RPA1: variants seen among roughly 807,000 people sequenced by gnomAD.
The protein encoded by RPA1 is replication protein A1.
In RPA1, 49 loss-of-function variants were observed where a neutral mutation model predicts 83.0. The ratio of observed to expected loss-of-function variants is 0.59; its 90% confidence interval spans 0.47 to 0.75. RPA1 has a LOEUF of 0.75. Ranked by LOEUF, RPA1 falls within the 30% of genes least tolerant of loss-of-function variation. RPA1 has a pLI of 0.00. For missense variants in RPA1, 693 were observed against 776.1 expected, an observed-to-expected ratio of 0.89 and a Z score of 1.27; for synonymous variants, 279 against 281.8, an observed-to-expected ratio of 0.99 and a Z score of 0.10.
At chr17:1,868,088 G>C (rs940255716) in intron 5 of RPA1, among the ~76,000 whole-genome samples, 1 of 151,654 alleles carries the variant, frequency 6.6e-6, no homozygotes. Context: ...TGTCTCAAGG[G>C]GGAAAAAAAA....
At chr17:1,831,070 G>T (rs542087610) in intron 1 of RPA1, among the ~76,000 whole-genome samples, 2 of 152,092 alleles carry the variant, frequency 1.3e-5, no homozygotes, top group South Asian at 4.2e-4. Context: ...CTGGCCCCAA[G>T]GCAATTCCAT....
chr17:1,842,726 A>G (rs1912100367), intron 1 of RPA1, 77 bp from the exon 2 acceptor site: 5 of 1,310,674 alleles, frequency 3.8e-6, no homozygotes, highest in Non-Finnish European at 5.5e-6. Flanking sequence ...TATATTCCAA[A>G]TACCAACTAT....
rs1336017816 is a variant in RPA1, at chr17:1,850,228, C to G, written c.273-2873C>G. 4.4e-4 allele frequency among the ~76,000 whole-genome samples: 66 copies of G among 151,084 alleles called. 1 individual carries two copies. The highest frequency in any genetic ancestry group is 4.4e-3 in the Admixed American group (66 of 15,152). On this transcript the variant is annotated intron_variant, in intron 4 of 16. Coordinates refer to ENST00000254719, the MANE Select transcript of RPA1 (RefSeq NM_002945.5). ...TCTTGTTTCATTCTTGCGATAAATC[C>G]TGCCTTAAAAAAATAATCCTAGGGC...
intron 7 of RPA1, among the ~76,000 whole-genome samples, chr17:1,876,003 C>T (rs1913559857): frequency 6.9e-6 from 1 of 145,324 alleles, no homozygotes; most frequent in African/African-American, 2.6e-5. Context: ...AATATAGTAA[C>T]AATAGCAATC....
chr17:1,865,245 T>C (rs887952829), intron 5 of RPA1, among the ~76,000 whole-genome samples: 11 of 152,208 alleles, frequency 7.2e-5, no homozygotes, highest in Non-Finnish European at 1.3e-4. Context: ...AGAATGAGCA[T>C]TTGTCATTTC....
Position 1,898,135 on chromosome 17 carries a change from A to C in RPA1, c.*960A>C, listed in dbSNP as rs1439070319. On this transcript the variant is annotated 3_prime_UTR_variant, in exon 17 of 17. Transcript: ENST00000254719. ...AAAGCAATTAATTAGCCTTCATAAT[A>C]AATGTTCACTTGGGGGGGATGTTAA... The C allele has an allele frequency of 6.6e-6, 1 of 152,244 alleles. No individual in the cohort carries two copies. Among genetic ancestry groups the C allele is most frequent in the Admixed American group, 6.5e-5 (1 of 15,280 alleles). The allele number at this position is 152,244 out of a possible 1,614,324, so 9.4% of individuals were successfully genotyped here.
chr17:1,862,068 A>AT (rs1486839257), intron 5 of RPA1, among the ~76,000 whole-genome samples: 6 of 144,422 alleles, frequency 4.2e-5, no homozygotes, highest in Non-Finnish European at 9.0e-5. Flanking sequence ...TTTTTTTTGT[A>AT]TTTTCAGTAG....
Position 1,877,309 on chromosome 17 carries a change from G to T in RPA1, c.685G>T (p.Glu229Ter). ...GCTTTTCTCCCTAGAACTGGTTGAC[G>T]AAAGTGTGAGTGTTTGTCATGCTGG... ...GKLFSLELVD[E>*]SGEIRATAFN... The change falls in exon 8 of 17, where the codon GAA (glutamate) becomes TAA (stop). Residue 229 changes from glutamate (E) to a stop codon, truncating the protein, a stop_gained. Coordinates refer to ENST00000254719, the MANE Select transcript of RPA1 (RefSeq NM_002945.5). LOFTEE classifies it high-confidence loss of function. 2 of 1,613,750 alleles carry T rather than the reference G, an allele frequency of 1.2e-6. No individual in the cohort carries two copies. The highest frequency in any genetic ancestry group is 1.7e-6 in the Non-Finnish European group (2 of 1,179,782).
intron 5 of RPA1, among the ~76,000 whole-genome samples, chr17:1,855,285 C>CA (rs1234185935): frequency 6.6e-6 from 1 of 151,986 alleles, no homozygotes; most frequent in Non-Finnish European, 1.5e-5. Context: ...GCCTCAGCCT[C>CA]AGAGTAGCTG....
Position 1,877,242 on chromosome 17 carries a change from A to T in RPA1, c.618A>T (p.Lys206Asn). 1 of 1,614,236 alleles carries T rather than the reference A, an allele frequency of 6.2e-7. No homozygotes were observed. The highest frequency in any genetic ancestry group is 8.5e-7 in the Non-Finnish European group (1 of 1,180,050). The change falls in exon 8 of 17, where the codon AAA becomes AAT. Residue 206 changes from lysine to asparagine, a missense_variant. Transcript: ENST00000254719. ...KWTICARVTN[K>N]SQIRTWSNSR... is the part of the protein sequence containing the mutation. ...CCATTTGTGCTCGTGTTACCAACAAAAGTCAGATCCGTACCTGGAGCAACT... is the reference window on the plus strand; with the variant it reads ...CCATTTGTGCTCGTGTTACCAACAATAGTCAGATCCGTACCTGGAGCAACT...
intron 1 of RPA1, among the ~76,000 whole-genome samples, chr17:1,841,660 A>G (rs182188274): frequency 2.6e-5 from 4 of 152,314 alleles, no homozygotes; most frequent in Admixed American, 6.5e-5. Flanking sequence ...AGAACCTCTA[A>G]TACCACATTG....
intron 5 of RPA1, among the ~76,000 whole-genome samples, chr17:1,869,100 G>T (rs1913287320): frequency 6.6e-6 from 1 of 152,198 alleles, no homozygotes. Flanking sequence ...GTACTTACTG[G>T]TAGAAGTTGA....
At chr17:1,886,392 TC>T (rs551839467) in intron 13 of RPA1, among the ~76,000 whole-genome samples, 134 of 152,342 alleles carry the variant, frequency 8.8e-4, no homozygotes, top group African/African-American at 3.1e-3. Flanking sequence ...CACCTTATAG[TC>T]CCCAGCTGCA....
intron 4 of RPA1, among the ~76,000 whole-genome samples, chr17:1,850,905 T>A (rs563772276): frequency 1.4e-4 from 21 of 151,852 alleles, no homozygotes; most frequent in East Asian, 7.7e-4. Flanking sequence ...AAAAAAAAAA[T>A]AAGAATTATC....
intron 2 of RPA1, among the ~76,000 whole-genome samples, chr17:1,843,625 T>TATTATTATC (rs1912142831): frequency 1.3e-5 from 2 of 148,874 alleles, no homozygotes; most frequent in South Asian, 4.2e-4. Context: ...TTATTATTAT[T>TATTATTATC]ATTATTATTA....
At chr17:1,869,583 G>A (rs193280112) in intron 5 of RPA1, among the ~76,000 whole-genome samples, 2 of 152,206 alleles carry the variant, frequency 1.3e-5, no homozygotes, top group East Asian at 3.9e-4. Flanking sequence ...CAAAGCCAGT[G>A]ATATGTAAAG....
intron 1 of RPA1, among the ~76,000 whole-genome samples, chr17:1,838,309 A>G (rs559158044): frequency 4.1e-5 from 6 of 148,146 alleles, no homozygotes; most frequent in Non-Finnish European, 8.9e-5. Context: ...AATTAAATAA[A>G]TAAAATAAAA....
chr17:1,873,574 T>G (rs1913456637), intron 6 of RPA1, among the ~76,000 whole-genome samples: 1 of 152,166 alleles, frequency 6.6e-6, no homozygotes, highest in Non-Finnish European at 1.5e-5. Context: ...ACTTTCCCCC[T>G]TGCCCTTTGT....
intron 5 of RPA1, among the ~76,000 whole-genome samples, chr17:1,855,944 T>C (rs1912676392): frequency 6.6e-6 from 1 of 152,212 alleles, no homozygotes; most frequent in Admixed American, 6.5e-5. Context: ...GAATTTAATT[T>C]CATTTAAGTT....
Sources: gnomAD v4.1 joint callset for allele counts (sites outside exome capture counted in the v4.1 genomes callset) on GRCh38, gnomAD v4.1.1 for gene constraint, MANE v1.5 for transcripts, NCBI Gene and HGNC (gene_info 2026-07-23, HGNC 2026-07-21) for gene names.